NCOA6: variants seen among roughly 807,000 people sequenced by gnomAD.
NCOA6 encodes the protein NRC RAP250.
Under a neutral mutation model 171.4 loss-of-function variants are expected in NCOA6, and 49 were observed. That is an observed-to-expected ratio of 0.29 (90% CI 0.23 to 0.36). The LOEUF (loss-of-function observed/expected upper bound fraction) is 0.36, where lower values mean the gene tolerates loss of function less well. Among genes scored for constraint, NCOA6 ranks in the 10% least tolerant of loss-of-function variants. The pLI is 1.00. For missense variants in NCOA6, 2,248 were observed against 2,554.5 expected, an observed-to-expected ratio of 0.88 and a Z score of 2.59; for synonymous variants, 910 against 927.5, an observed-to-expected ratio of 0.98 and a Z score of 0.34.
intron 4 of NCOA6, among the ~76,000 whole-genome samples, chr20:34,770,617 G>A (rs906952868): frequency 2.0e-5 from 3 of 151,684 alleles, no homozygotes; most frequent in African/African-American, 4.8e-5. Flanking sequence ...CACTAGTTTA[G>A]AAATAAAGGC....
intron 14 of NCOA6, among the ~76,000 whole-genome samples, chr20:34,716,495 A>G (rs1988617803): frequency 6.6e-6 from 1 of 152,230 alleles, no homozygotes; most frequent in South Asian, 2.1e-4. Flanking sequence ...TCACCCCTGT[A>G]ATCCCAACAC....
intron 7 of NCOA6, among the ~76,000 whole-genome samples, chr20:34,756,396 T>A (rs1036216187): frequency 6.6e-6 from 1 of 151,618 alleles, no homozygotes; most frequent in Non-Finnish European, 1.5e-5. Flanking sequence ...ATGCAAGGGG[T>A]TTTTTCTGGG....
At chr20:34,821,537 A>C (rs1165354283) in intron 1 of NCOA6, 1 of 152,066 alleles carries the variant, frequency 6.6e-6, no homozygotes, top group Non-Finnish European at 1.5e-5. Flanking sequence ...TCTGCCAAAA[A>C]AACCTTTTCG....
intron 1 of NCOA6, among the ~76,000 whole-genome samples, chr20:34,824,359 C>G (rs368145481): frequency 6.6e-6 from 1 of 152,302 alleles, no homozygotes; most frequent in East Asian, 1.9e-4. Context: ...TCAACTTTAC[C>G]TTTCTATGTT....
At chr20:34,729,246 C>G (rs1418611056) in intron 13 of NCOA6, among the ~76,000 whole-genome samples, 1 of 152,202 alleles carries the variant, frequency 6.6e-6, no homozygotes, top group African/African-American at 2.4e-5. Context: ...CCACAACGCC[C>G]AGCCCTATAC....
chr20:34,734,156 CA>C (rs1263567145), intron 12 of NCOA6, among the ~76,000 whole-genome samples: 3 of 151,320 alleles, frequency 2.0e-5, no homozygotes, highest in Non-Finnish European at 4.4e-5. Flanking sequence ...CCCCCACCTC[CA>C]GGGTTCAAGC....
intron 5 of NCOA6, among the ~76,000 whole-genome samples, chr20:34,767,185 T>A (rs1335525841): frequency 1.3e-5 from 2 of 152,204 alleles, no homozygotes; most frequent in Non-Finnish European, 2.9e-5. Flanking sequence ...GAAGAAAGTA[T>A]TGCTTGGGGA....
intron 8 of NCOA6, among the ~76,000 whole-genome samples, chr20:34,752,928 A>C (rs573067237): frequency 6.1e-4 from 93 of 151,754 alleles, no homozygotes; most frequent in Middle Eastern, 3.4e-3. Context: ...AAAAAAAAAA[A>C]ACACACACAA....
chr20:34,725,103 T>C (rs930768023), intron 14 of NCOA6, among the ~76,000 whole-genome samples: 2 of 152,188 alleles, frequency 1.3e-5, no homozygotes, highest in Non-Finnish European at 2.9e-5. Context: ...CTCTGTCTTT[T>C]CACTATTATA....
chr20:34,773,947 T>A (rs1027669037), intron 4 of NCOA6, among the ~76,000 whole-genome samples: 1 of 152,244 alleles, frequency 6.6e-6, no homozygotes, highest in African/African-American at 2.4e-5. Flanking sequence ...GGGACACACA[T>A]GTAGCCTAAA....
chr20:34,754,772 C>T lies in NCOA6; in HGVS notation c.1625G>A (p.Gly542Glu), dbSNP rs142762189. 78 of 1,614,032 alleles carry T rather than the reference C, an allele frequency of 4.8e-5. No homozygotes were observed. The highest frequency in any genetic ancestry group is 1.6e-4 in the Middle Eastern group (1 of 6,082). Reference sequence around the variant, plus strand: ...TTGCAGCTGAGGGGCTCCTGAATTCCCAGGGGTGGTTGCTGTGGTCGAAGG... The same window carrying T: ...TTGCAGCTGAGGGGCTCCTGAATTCTCAGGGGTGGTTGCTGTGGTCGAAGG... ...QVPSTTATTPGNSGAPQLQAN... is the reference protein window; with the variant it reads ...QVPSTTATTPENSGAPQLQAN... Residue 542 changes from glycine to glutamate, a missense_variant, in exon 8 of 15, where the codon GGG (glycine) becomes GAG (glutamate). Coordinates refer to ENST00000359003, the MANE Select transcript of NCOA6 (RefSeq NM_014071.5).
chr20:34,782,265 C>G lies in NCOA6; in HGVS notation c.91G>C (p.Gly31Arg), dbSNP rs1474166070. 6.2e-7 allele frequency: 1 copy of G among 1,612,794 alleles called. No homozygotes were observed. The highest frequency in any genetic ancestry group is 8.5e-7 in the Non-Finnish European group (1 of 1,179,454). ...CTTTTTGTGTCATCATCTTCTAGTC[C>G]AGAGTCAAAATCCATCTCTGAGTCT... is the stretch of plus-strand genomic sequence containing the variant. ...MEDSEMDFDS[G>R]LEDDDTKSDS... The change falls in exon 3 of 15, where the codon GGA becomes CGA. Residue 31 changes from glycine to arginine, a missense_variant. Around this residue, in one of 7 missense-constraint regions of NCOA6, gnomAD observed 987 missense variants for 1,104.7 expected, o/e 0.89. Transcript: ENST00000359003.
chr20:34,795,518 A>G (rs2078034392), intron 1 of NCOA6, among the ~76,000 whole-genome samples: 1 of 152,254 alleles, frequency 6.6e-6, no homozygotes, highest in Non-Finnish European at 1.5e-5. Context: ...AAAAATCACA[A>G]GAAAACGTAA....
intron 5 of NCOA6, among the ~76,000 whole-genome samples, chr20:34,759,779 T>C (rs545731483): frequency 6.6e-6 from 1 of 152,338 alleles, no homozygotes; most frequent in East Asian, 1.9e-4. Context: ...TTCTTGTGGA[T>C]ACATGAGAGT....
chr20:34,780,496 C>T (rs371539176), intron 3 of NCOA6, among the ~76,000 whole-genome samples: 7 of 151,916 alleles, frequency 4.6e-5, no homozygotes, highest in Non-Finnish European at 8.8e-5. Context: ...GGATTACAGG[C>T]ACCTGCCAGC....
chr20:34,803,976 C>T (rs2078350090), intron 1 of NCOA6, among the ~76,000 whole-genome samples: 1 of 142,598 alleles, frequency 7.0e-6, no homozygotes, highest in East Asian at 2.2e-4. Flanking sequence ...GGAGAAACAC[C>T]GTTTAAAAAA....
intron 5 of NCOA6, 117 bp downstream of exon 5, chr20:34,768,347 G>T: frequency 1.5e-6 from 2 of 1,323,098 alleles, no homozygotes; most frequent in Non-Finnish European, 2.1e-6. Context: ...TCCTGATTCA[G>T]CAAATAGAGA....
intron 13 of NCOA6, among the ~76,000 whole-genome samples, chr20:34,729,968 GA>G (rs1399049531): frequency 6.6e-6 from 1 of 152,174 alleles, no homozygotes; most frequent in East Asian, 1.9e-4. Context: ...AAGTCAGGGG[GA>G]TTTATACCTC....
intron 8 of NCOA6, among the ~76,000 whole-genome samples, chr20:34,753,427 C>CAAGGCAGGTGGATCATG (rs1346941723): frequency 2.6e-5 from 4 of 151,512 alleles, no homozygotes; most frequent in Non-Finnish European, 4.4e-5. Flanking sequence ...TTTGGGAGGC[C>CAAGGCAGGTGGATCATG]AAGGCAGGTG....
Sources: gnomAD v4.1 joint callset for allele counts (sites outside exome capture counted in the v4.1 genomes callset) on GRCh38, gnomAD v4.1.1 for gene constraint, gnomAD v4.1.1 regional missense constraint, MANE v1.5 for transcripts, NCBI Gene and HGNC (gene_info 2026-07-23, HGNC 2026-07-21) for gene names.